DRC1: variants seen among roughly 807,000 people sequenced by gnomAD.
DRC1 encodes dynein regulatory complex subunit 1, also known as dynein regulatory complex protein 1.
Under a neutral mutation model 98.7 loss-of-function variants are expected in DRC1, and 74 were observed. That is an observed-to-expected ratio of 0.75 (90% confidence interval 0.62 to 0.91). The LOEUF (loss-of-function observed/expected upper bound fraction) is 0.91. DRC1 is among the 40% of genes least tolerant of loss of function. The probability of loss-of-function intolerance (pLI) is 0.00; values close to 1 mark genes in which losing one functional copy is unlikely to be tolerated. For synonymous variants in DRC1, 336 were observed against 334.1 expected (o/e 1.01, Z -0.06); for missense variants, 875 against 886.0 (o/e 0.99, Z 0.16).
intron 1 of DRC1, among the ~76,000 whole-genome samples, chr2:26,405,952 G>A (rs997303860): frequency 1.3e-5 from 2 of 152,098 alleles, no homozygotes; most frequent in Non-Finnish European, 2.9e-5. Flanking sequence ...GAGCCACTGC[G>A]CCCTGCCTCT....
chr2:26,429,639 A>T lies in DRC1; in HGVS notation c.552A>T (p.Thr184=), dbSNP rs755596471. The change falls in exon 5 of 17, where the codon ACA becomes ACT. Residue 184 remains threonine, a synonymous_variant. Transcript: ENST00000288710. ...ATGCTCTTTTCTAGGAGTTAAAAAC[A>T]AAGGATGACCAGTATGTGAAGGATT... ...LISELQQELK[T]KDDQYVKDLK... is the part of the protein sequence containing the mutation. 2 of 1,613,906 alleles carry T rather than the reference A, an allele frequency of 1.2e-6. No individual in the cohort carries two copies. Among genetic ancestry groups the T allele is most frequent in the Non-Finnish European group, 1.7e-6 (2 of 1,180,006 alleles).
intron 7 of DRC1, among the ~76,000 whole-genome samples, chr2:26,435,188 G>A (rs1188136893): frequency 2.0e-5 from 3 of 152,184 alleles, no homozygotes; most frequent in Non-Finnish European, 1.5e-5. Flanking sequence ...AGCAGCTGTG[G>A]AGAAGCTTGT....
intron 8 of DRC1, among the ~76,000 whole-genome samples, chr2:26,442,409 T>G: frequency 6.6e-6 from 1 of 152,230 alleles, no homozygotes; most frequent in East Asian, 1.9e-4. Context: ...GATTGGATAC[T>G]GGATTTTCTT....
In DRC1 at chr2:26,421,294, G is replaced by A. The variant is rs1663135028; in HGVS notation, c.250G>A (p.Ala84Thr). The change falls in exon 3 of 17, where the codon GCT becomes ACT. Residue 84 changes from alanine to threonine, a missense_variant. Physicochemically the swap from Ala to Thr is moderately conservative, Grantham distance 58. Transcript: ENST00000288710. ...KQKEESRLKLAKLLLCGTELV... is the reference protein window; with the variant it reads ...KQKEESRLKLTKLLLCGTELV... ...CTTATATCTCTCTTTTTAGAAATTG[G>A]CTAAACTTCTGCTCTGTGGCACCGA... The A allele has an allele frequency of 1.9e-6, 3 of 1,612,210 alleles. No homozygotes were observed. The highest frequency in any genetic ancestry group is 2.5e-6 in the Non-Finnish European group (3 of 1,179,172).
At chr2:26,404,636 A>G (rs1426024483) in intron 1 of DRC1, among the ~76,000 whole-genome samples, 1 of 151,772 alleles carries the variant, frequency 6.6e-6, no homozygotes, top group Non-Finnish European at 1.5e-5. Flanking sequence ...CCCCACCAAC[A>G]CCCCTGGGTG....
chr2:26,431,055 G>A (rs928516672), intron 6 of DRC1, among the ~76,000 whole-genome samples, 183 bp downstream of exon 6: 19 of 143,088 alleles, frequency 1.3e-4, no homozygotes, highest in Non-Finnish European at 2.2e-4. Flanking sequence ...CTGACTGTCT[G>A]GTTCAAGTGA....
Position 26,432,025 on chromosome 2 carries a change from A to G in DRC1, c.888+19A>G. On this transcript the variant is annotated intron_variant, in intron 7 of 16. Transcript: ENST00000288710. ...TGTGCAGGTGCAACAGCTGGTCCTC[A>G]CTAGGGTGCCTGGGTGGCGGAGCAG... 6.2e-7 allele frequency: 1 copy of G among 1,611,870 alleles called. No homozygotes were observed.
chr2:26,424,518 G>T, intron 4 of DRC1, 64 bp downstream of exon 4: 1 of 1,508,050 alleles, frequency 6.6e-7, no homozygotes, highest in Non-Finnish European at 9.0e-7. Flanking sequence ...CTGGGTTACT[G>T]GTTTGCTTTT....
chr2:26,453,998 G>C (rs1443415379), intron 14 of DRC1, among the ~76,000 whole-genome samples: 1 of 152,200 alleles, frequency 6.6e-6, no homozygotes, highest in Non-Finnish European at 1.5e-5. Flanking sequence ...GCATGGGGAA[G>C]GTCTGGTCTG....
At position 26,444,154 on chromosome 2, in the gene DRC1, G is replaced by A. The variant is rs115138591; in HGVS notation, c.1029-68G>A. 2.6e-4 allele frequency: 424 copies of A among 1,603,232 alleles called. No individual in the cohort carries two copies. In the African/African-American group the frequency reaches 5.2e-3, roughly 20 times the overall value. On this transcript the variant is annotated intron_variant, in intron 8 of 16. Transcript: ENST00000288710. ...TGGGTTTGTGGTAGAGCTGAATCAGGTGGATGAGAGGAACATACATAATAC... is the reference window on the plus strand; with the variant it reads ...TGGGTTTGTGGTAGAGCTGAATCAGATGGATGAGAGGAACATACATAATAC...
intron 7 of DRC1, among the ~76,000 whole-genome samples, chr2:26,432,330 C>T (rs940436622): frequency 2.6e-5 from 4 of 151,786 alleles, no homozygotes; most frequent in African/African-American, 7.3e-5. Flanking sequence ...AACTGTGTCT[C>T]GGCAAAAAAT....
chr2:26,413,137 G>C (rs999059307), intron 1 of DRC1, among the ~76,000 whole-genome samples: 7 of 152,082 alleles, frequency 4.6e-5, no homozygotes, highest in Non-Finnish European at 1.0e-4. Context: ...TCTAAAACTG[G>C]CTCCCTTTAC....
At chr2:26,441,852 C>T (rs886709948) in intron 8 of DRC1, among the ~76,000 whole-genome samples, 5 of 152,170 alleles carry the variant, frequency 3.3e-5, no homozygotes, top group African/African-American at 9.7e-5. Context: ...TTCAACGGAC[C>T]CTGCTGTTTC....
chr2:26,416,690 A>G (rs1410943050), intron 2 of DRC1, among the ~76,000 whole-genome samples: 1 of 152,160 alleles, frequency 6.6e-6, no homozygotes, highest in South Asian at 2.1e-4. Context: ...TCCCCACTGC[A>G]TTGTTGTGCA....
chr2:26,416,268 G>A (rs1220744226), intron 2 of DRC1, among the ~76,000 whole-genome samples: 1 of 151,508 alleles, frequency 6.6e-6, no homozygotes, highest in Non-Finnish European at 1.5e-5. Context: ...TTTCTTTTTT[G>A]AGACGGAGTC....
chr2:26,420,778 T>C (rs1663117878), intron 2 of DRC1, among the ~76,000 whole-genome samples: 1 of 151,066 alleles, frequency 6.6e-6, no homozygotes, highest in African/African-American at 2.4e-5. Flanking sequence ...TTTTTTTTTT[T>C]TCTGAGATAG....
chr2:26,431,842 AG>A (rs765956484), intron 6 of DRC1, 41 bp from the exon 7 acceptor site: 2 of 1,610,012 alleles, frequency 1.2e-6, no homozygotes, highest in African/African-American at 2.7e-5. Context: ...AGGTGGGGCA[AG>A]GATGGTCCCT....
chr2:26,452,427 T>C (rs746627764), intron 13 of DRC1, among the ~76,000 whole-genome samples: 8 of 152,240 alleles, frequency 5.3e-5, no homozygotes, highest in Admixed American at 1.3e-4. Context: ...GCCCGGCTAA[T>C]TTTTGTATTT....
chr2:26,406,581 C>T (rs1246079554), intron 1 of DRC1, among the ~76,000 whole-genome samples: 1 of 152,022 alleles, frequency 6.6e-6, no homozygotes, highest in Non-Finnish European at 1.5e-5. Context: ...CTTGGTGGCA[C>T]ACTCCTGTAA....
Sources: allele counts gnomAD v4.1 joint callset (sites outside exome capture counted in the v4.1 genomes callset), GRCh38; gene constraint gnomAD v4.1.1; transcripts MANE v1.5; gene names NCBI Gene and HGNC (gene_info 2026-07-23, HGNC 2026-07-21).